The following MUSK variants were observed in gnomAD, a reference collection of about 807,000 sequenced individuals.
MUSK encodes the protein muscle associated receptor tyrosine kinase.
MUSK carries 55 observed loss-of-function variants against 88.7 expected under a neutral mutation model. The ratio of observed to expected loss-of-function variants is 0.62; its 90% CI spans 0.50 to 0.78. The LOEUF (loss-of-function observed/expected upper bound fraction) is 0.78. MUSK is among the 30% of genes least tolerant of loss of function. The pLI is 0.00. For synonymous variants in MUSK, 387 were observed against 391.9 expected (o/e 0.99, Z 0.15); for missense variants, 1,015 against 1,074.3 (o/e 0.94, Z 0.77).
chr9:110,759,186 C>A (rs2077365516), intron 7 of MUSK, among the ~76,000 whole-genome samples: 1 of 152,182 alleles, frequency 6.6e-6, no homozygotes, highest in Non-Finnish European at 1.5e-5. Context: ...CACACACTTA[C>A]AACCATCTAG....
chr9:110,701,928 C>G (rs77224705), intron 5 of MUSK, among the ~76,000 whole-genome samples: 4 of 134,150 alleles, frequency 3.0e-5, no homozygotes, highest in Admixed American at 1.7e-4. Flanking sequence ...TATTTTATTT[C>G]ATAGAGACAG....
intron 5 of MUSK, among the ~76,000 whole-genome samples, chr9:110,701,714 ATTTT>A (rs2076514579): frequency 8.1e-3 from 1 of 124 alleles, no homozygotes. Flanking sequence ...ATTTTATTTT[ATTTT>A]ATTTTATTTT....
intron 7 of MUSK, among the ~76,000 whole-genome samples, chr9:110,751,743 G>A (rs1247540905): frequency 3.9e-5 from 6 of 152,154 alleles, no homozygotes; most frequent in African/African-American, 1.4e-4. Flanking sequence ...AGGAACTTGG[G>A]TAGAGGTAGA....
chr9:110,784,200 G>A (rs1290125777), intron 11 of MUSK, among the ~76,000 whole-genome samples: 1 of 151,978 alleles, frequency 6.6e-6, no homozygotes, highest in Non-Finnish European at 1.5e-5. Context: ...GATTAATAAG[G>A]TTCTTTTAAT....
intron 8 of MUSK, among the ~76,000 whole-genome samples, chr9:110,762,907 T>C (rs2077422603): frequency 6.6e-6 from 1 of 152,116 alleles, no homozygotes; most frequent in Non-Finnish European, 1.5e-5. Flanking sequence ...TAGAGTACAA[T>C]ACAGTGACTA....
At chr9:110,784,454 T>C (rs1003542181) in intron 11 of MUSK, among the ~76,000 whole-genome samples, 4 of 152,204 alleles carry the variant, frequency 2.6e-5, no homozygotes. Flanking sequence ...AAAGCTCAGC[T>C]CTAGACAATC....
At position 110,803,042 on chromosome 9, in the gene MUSK, A is replaced by G. The variant is rs573377963; in HGVS notation, c.*2054A>G. ...GTCTAGAACTTGAGCATAGATATCCATGGCTTATTTTAGATGGTTCATGTA... is the reference window on the plus strand; with the variant it reads ...GTCTAGAACTTGAGCATAGATATCCGTGGCTTATTTTAGATGGTTCATGTA... On this transcript the variant is annotated 3_prime_UTR_variant, in exon 15 of 15. Coordinates refer to ENST00000374448, the MANE Select transcript of MUSK (RefSeq NM_005592.4). 6.6e-6 allele frequency among the ~76,000 whole-genome samples: 1 copy of G among 152,350 alleles called. No homozygotes were observed. The highest frequency in any genetic ancestry group is 1.5e-5 in the Non-Finnish European group (1 of 68,024).
intron 5 of MUSK, among the ~76,000 whole-genome samples, chr9:110,729,608 G>C (rs1309940177): frequency 2.0e-5 from 3 of 151,838 alleles, no homozygotes; most frequent in African/African-American, 7.3e-5. Context: ...CATTTTACCT[G>C]GTCCTATGTG....
rs368770247 is a variant in MUSK at position 110,669,972 on chromosome 9, G to A, written c.79+989G>A. ...AGTTTGTATTGTGTAGATAAATGAA[G>A]GTGGTATCTGTATATAGATGCAAAA... On this transcript the variant is annotated intron_variant, in intron 1 of 14. Coordinates refer to ENST00000374448, the MANE Select transcript of MUSK (RefSeq NM_005592.4). Among the ~76,000 whole-genome samples, 133 of 152,204 alleles carry A rather than the reference G, an allele frequency of 8.7e-4. 3 individuals are homozygous for A. In the South Asian group the frequency reaches 0.022, roughly 25 times the overall value.
At position 110,800,063 on chromosome 9, in the gene MUSK, T is replaced by A. The variant is rs2078067459; in HGVS notation, c.1928-243T>A. On this transcript the variant is annotated intron_variant, in intron 14 of 14. Coordinates refer to ENST00000374448, the MANE Select transcript of MUSK (RefSeq NM_005592.4). ...ACAAGTGCCCAGGACAACAGCGCTCTGCTGGAAGTCCTCAAAAACTTTAGC... is the reference window on the plus strand; with the variant it reads ...ACAAGTGCCCAGGACAACAGCGCTCAGCTGGAAGTCCTCAAAAACTTTAGC... 2.0e-5 allele frequency among the ~76,000 whole-genome samples: 3 copies of A among 152,300 alleles called. No homozygotes were observed. The South Asian group carries it at 6.2e-4, about 32-fold the overall frequency.
chr9:110,694,318 G>A (rs1230918440), intron 3 of MUSK, among the ~76,000 whole-genome samples: 9 of 148,060 alleles, frequency 6.1e-5, no homozygotes, highest in African/African-American at 1.5e-4. Context: ...CCCGGGAGGC[G>A]GAACTTGCAG....
chr9:110,734,834 C>A (rs2077008890), intron 6 of MUSK, among the ~76,000 whole-genome samples: 1 of 152,050 alleles, frequency 6.6e-6, no homozygotes. Context: ...CTATTCCAAG[C>A]ACTTTACCTA....
chr9:110,738,944 G>A (rs1405708093), intron 6 of MUSK, among the ~76,000 whole-genome samples: 2 of 152,062 alleles, frequency 1.3e-5, no homozygotes. Context: ...TTGTGTTGGG[G>A]TCTAATCAGT....
chr9:110,701,674 TATTTTTTTTACTTTACTTTA>T lies in MUSK; in HGVS notation c.628+4209_628+4228del, dbSNP rs2076507642. Among the ~76,000 whole-genome samples the T allele has an allele frequency of 1.5e-4, 4 of 26,400 alleles. 1 individual carries two copies. The highest frequency in any genetic ancestry group is 8.6e-4 in the Admixed American group (4 of 4,626). The allele number at this position is 26,400 out of a possible 152,430, so 17.3% of individuals were successfully genotyped here. A position where few individuals can be genotyped will look rare whatever the true frequency, so the allele number is the denominator to read the frequency against. On this transcript the variant is annotated intron_variant, in intron 5 of 14. Transcript: ENST00000374448. ...GCTATTTATTTTATTTATTTTATTT[TATTTTTTTTACTTTACTTTA>T]TTTTATTTTATTTTATTTTATTTTA... is the stretch of plus-strand genomic sequence containing the variant.
rs12000065 is a variant in MUSK, at chr9:110,752,686, C to T, written c.913+4886C>T. On this transcript the variant is annotated intron_variant, in intron 7 of 14. Transcript: ENST00000374448. ...TTATTTGCTCTTCCCAGCAGGAAAA[C>T]TGGAAATGGAAAAAGCTGATCTTAT... Among the ~76,000 whole-genome samples, 1,152 of 152,242 alleles carry T rather than the reference C, an allele frequency of 7.6e-3. 14 individuals are homozygous for T. Among genetic ancestry groups the T allele is most frequent in the African/African-American group, 0.026 (1,094 of 41,528 alleles).
intron 3 of MUSK, among the ~76,000 whole-genome samples, chr9:110,694,215 CAAAAAAAAAAA>C (rs1217917603): frequency 1.4e-5 from 1 of 72,108 alleles, no homozygotes; most frequent in Non-Finnish European, 2.6e-5. Context: ...ACTAAAAATA[CAAAAAAAAAAA>C]AAAAAAAAAA....
intron 9 of MUSK, among the ~76,000 whole-genome samples, chr9:110,773,900 T>A (rs1389458812): frequency 6.6e-6 from 1 of 152,202 alleles, no homozygotes; most frequent in Non-Finnish European, 1.5e-5. Flanking sequence ...TTGTTGAGAT[T>A]CAAAATATTT....
chr9:110,682,879 T>C, intron 2 of MUSK, 79 bp downstream of exon 2: 2 of 1,042,828 alleles, frequency 1.9e-6, no homozygotes, highest in Middle Eastern at 3.2e-4. Flanking sequence ...ATTTATGAAG[T>C]AGATGAGATG....
intron 11 of MUSK, among the ~76,000 whole-genome samples, chr9:110,781,619 C>T (rs751531262): frequency 1.3e-4 from 20 of 152,134 alleles, no homozygotes; most frequent in Non-Finnish European, 2.8e-4. Context: ...AACAAAATGC[C>T]ACAGACTGGG....
Sources: gnomAD v4.1 joint callset for allele counts (sites outside exome capture counted in the v4.1 genomes callset) on GRCh38, gnomAD v4.1.1 for gene constraint, MANE v1.5 for transcripts, NCBI Gene and HGNC (gene_info 2026-07-23, HGNC 2026-07-21) for gene names.